PRDM15: variants seen among roughly 807,000 people sequenced by gnomAD.
PRDM15 encodes the protein PR/SET domain 15, also known as PR domain zinc finger protein 15.
In PRDM15, 64 loss-of-function variants were observed where a neutral mutation model predicts 128.6. The ratio of observed to expected loss-of-function variants is 0.50; its 90% CI spans 0.41 to 0.61. The LOEUF (loss-of-function observed/expected upper bound fraction) is 0.61, where lower values mean the gene tolerates loss of function less well. PRDM15 is among the 20% of genes least tolerant of loss of function. PRDM15 has a pLI of 0.00. For missense variants in PRDM15, 1,242 were observed against 1,569.1 expected (o/e 0.79, Z 3.52); for synonymous variants, 615 against 621.8 (o/e 0.99, Z 0.16).
chr21:41,801,681 C>T lies in PRDM15; in HGVS notation c.2985G>A (p.Ser995=), dbSNP rs750015279. The change falls in exon 24 of 24, where the codon TCG becomes TCA. Residue 995 remains serine (S), a synonymous_variant. Transcript: ENST00000398548. ...TLGDPNVTTP[S]SSVGLTNITV... ...TGATGTTGGTTAAGCCGACTGAGCT[C>T]GATGGTGTGGTCACATTTGGGTCAC... 2.6e-5 allele frequency: 42 copies of T among 1,613,982 alleles called. No individual in the cohort carries two copies. The highest frequency in any genetic ancestry group is 5.0e-5 in the Admixed American group (3 of 60,016).
At chr21:41,829,181 TACACACACC>T (rs2062591390) in intron 11 of PRDM15, among the ~76,000 whole-genome samples, 1 of 124,102 alleles carries the variant, frequency 8.1e-6, no homozygotes, top group Admixed American at 8.0e-5. Context: ...ACACACCACA[TACACACACC>T]ACACACACAT....
chr21:41,798,912 A>G lies in PRDM15; in HGVS notation c.*2328T>C, dbSNP rs2146098111. 1 of 152,348 alleles carries G rather than the reference A, an allele frequency of 6.6e-6. No homozygotes were observed. The highest frequency in any genetic ancestry group is 2.4e-5 in the African/African-American group (1 of 41,584). The allele number at this position is 152,348 out of a possible 1,614,324, so 9.4% of individuals were successfully genotyped here. ...GCTTTAAGACAACCCATTTTGCCTC[A>G]GACAGTGACCCTATTAAGACCACGT... On this transcript the variant is annotated 3_prime_UTR_variant, in exon 24 of 24. Transcript: ENST00000398548.
intron 14 of PRDM15, chr21:41,823,084 C>A: frequency 1.8e-6 from 1 of 543,386 alleles, no homozygotes. Flanking sequence ...GAGATCCCTA[C>A]CCTTCTACCA....
chr21:41,819,743 G>A lies in PRDM15; in HGVS notation c.2141-42C>T, dbSNP rs73375536. On this transcript the variant is annotated intron_variant, in intron 17 of 23. Transcript: ENST00000398548. Reference sequence around the variant, plus strand: ...CTGCCACTCAGAGCCGAGCAGCTCCGACCTGCAGTGGCTGCAAAGAGGATG... The same window carrying A: ...CTGCCACTCAGAGCCGAGCAGCTCCAACCTGCAGTGGCTGCAAAGAGGATG... 5.8e-3 allele frequency: 9,141 copies of A among 1,564,276 alleles called. 442 individuals are homozygous for A. In the African/African-American group the frequency reaches 0.1, roughly 18 times the overall value.
rs573723974 is a variant in PRDM15, at chr21:41,859,252, G to T, written c.131+340C>A. On this transcript the variant is annotated intron_variant, in intron 3 of 23. Transcript: ENST00000398548. This position sits in a 1 kb window ranked among gnomAD's most constrained non-coding sequence, Gnocchi z 5.3. ...ACCTGGAATGCAGAGAGAAGCCAACGAGCAGACCTCCAGCTTGGCTGCTGG... is the reference window on the plus strand; with the variant it reads ...ACCTGGAATGCAGAGAGAAGCCAACTAGCAGACCTCCAGCTTGGCTGCTGG... The T allele has an allele frequency of 6.2e-7, 1 of 1,607,954 alleles. No individual in the cohort carries two copies. Among genetic ancestry groups the T allele is most frequent in the Non-Finnish European group, 8.5e-7 (1 of 1,175,676 alleles).
intron 1 of PRDM15, chr21:41,861,918 AACAC>A (rs781176262): frequency 1.4e-5 from 22 of 1,612,928 alleles, no homozygotes; most frequent in Non-Finnish European, 1.4e-5. Flanking sequence ...TTTTCCTGGG[AACAC>A]ACATTCACGT....
intron 17 of PRDM15, 78 bp from the exon 18 acceptor site, chr21:41,819,779 A>G (rs2062185359): frequency 6.6e-7 from 1 of 1,520,788 alleles, no homozygotes; most frequent in Non-Finnish European, 8.8e-7. Context: ...CACCAAGGAG[A>G]GGGGCCCAGC....
At chr21:41,830,832 C>T (rs1204552321) in intron 11 of PRDM15, among the ~76,000 whole-genome samples, 11 of 152,212 alleles carry the variant, frequency 7.2e-5, no homozygotes, top group African/African-American at 2.4e-4. Flanking sequence ...GTTTCGGCTC[C>T]GCCCAGGACA....
At chr21:41,819,555 G>A in intron 18 of PRDM15, 27 bp downstream of exon 18, 1 of 1,606,458 alleles carries the variant, frequency 6.2e-7, no homozygotes, top group South Asian at 1.1e-5. Context: ...GCTGAGCCTG[G>A]CCCATGTCCC....
chr21:41,862,922 C>T lies in PRDM15; in HGVS notation c.-9-2550G>A, dbSNP rs1318315531. Among the ~76,000 whole-genome samples, 1 of 152,134 alleles carries T rather than the reference C, an allele frequency of 6.6e-6. No individual in the cohort carries two copies. Among genetic ancestry groups the T allele is most frequent in the Non-Finnish European group, 1.5e-5 (1 of 68,032 alleles). The stretch of plus-strand genomic sequence containing the variant: ...GTGTGGCTCACGTCTGTAATCCCAG[C>T]ACTTTCAGAGATGAGGACGGGCGAT... On this transcript the variant is annotated intron_variant, in intron 1 of 23. Transcript: ENST00000398548. The surrounding 1 kb of genome is among the most constrained non-coding windows in gnomAD (Gnocchi z 4.1).
At position 41,879,344 on chromosome 21, in the gene PRDM15, C is replaced by T. The variant is rs1456931565; in HGVS notation, c.-84G>A. 9.2e-7 allele frequency: 1 copy of T among 1,086,658 alleles called. No individual in the cohort carries two copies. The highest frequency in any genetic ancestry group is 6.0e-5 in the East Asian group (1 of 16,750). The allele number at this position is 1,086,658 out of a possible 1,614,324, so 67.3% of individuals were successfully genotyped here. ...ATCCGCTCCGGAAACTGCGCAGCAC[C>T]GGAAGCCGGGGGGCGGCGGCGGGGC... On this transcript the variant is annotated 5_prime_UTR_variant, in exon 1 of 24. Transcript: ENST00000398548. The surrounding 1 kb of genome is among the most constrained non-coding windows in gnomAD (Gnocchi z 5.1).
intron 1 of PRDM15, among the ~76,000 whole-genome samples, chr21:41,878,414 C>A (rs548752143): frequency 9.2e-5 from 14 of 152,350 alleles, no homozygotes; most frequent in African/African-American, 3.1e-4. Context: ...ATAACTCTAA[C>A]CACCAGATAG....
At position 41,812,270 on chromosome 21, in the gene PRDM15, A is replaced by G. The variant is rs535952524; in HGVS notation, c.2393-1434T>C. ...TTGACATCAAACTCATAGACAGAAA[A>G]ACACAAATTGTAAGTGAGTGCGGGC... On this transcript the variant is annotated intron_variant, in intron 19 of 23. Transcript: ENST00000398548. 4 of 152,318 alleles carry G rather than the reference A, an allele frequency of 2.6e-5. No homozygotes were observed. In the South Asian group the frequency reaches 8.3e-4, roughly 32 times the overall value. 9.4% of individuals were successfully genotyped at this position (152,318 alleles called of 1,614,324 possible).
intron 1 of PRDM15, among the ~76,000 whole-genome samples, chr21:41,867,590 T>C (rs1191378376): frequency 1.3e-5 from 2 of 152,230 alleles, no homozygotes; most frequent in African/African-American, 4.8e-5. Context: ...GTACAGCCGT[T>C]GTGCCCAGCT....
At chr21:41,835,111 C>T (rs570946033) in intron 11 of PRDM15, among the ~76,000 whole-genome samples, 5 of 152,304 alleles carry the variant, frequency 3.3e-5, no homozygotes, top group South Asian at 2.1e-4. Flanking sequence ...CTTCCTCAGA[C>T]GGCCCTAGAA....
rs1699532465 is a variant in PRDM15, at chr21:41,811,055, A to G, written c.2393-219T>C. ...CATAGTGACATTTCATATCAAAAAA[A>G]CATGAGATGTGGGAAAGGCTGTCTG... is the stretch of plus-strand genomic sequence containing the variant. On this transcript the variant is annotated intron_variant, in intron 19 of 23. Transcript: ENST00000398548. The surrounding 1 kb of genome is among the most constrained non-coding windows in gnomAD (Gnocchi z 4.1). The G allele has an allele frequency of 3.7e-6, 2 of 536,594 alleles. No homozygotes were observed. Among genetic ancestry groups the G allele is most frequent in the South Asian group, 4.8e-5 (2 of 41,498 alleles). 33.2% of individuals were successfully genotyped at this position (536,594 alleles called of 1,614,324 possible). A position where few individuals can be genotyped will look rare whatever the true frequency, so the allele number is the denominator to read the frequency against.
chr21:41,842,313 TGGA>T (rs985270942), intron 6 of PRDM15, among the ~76,000 whole-genome samples: 3 of 152,196 alleles, frequency 2.0e-5, no homozygotes, highest in African/African-American at 7.2e-5. Context: ...TTATTTAACA[TGGA>T]GGAGAAGGAT....
rs752403464 is a variant in PRDM15, at chr21:41,802,783, A to G, written c.2872T>C (p.Ser958Pro). The G allele has an allele frequency of 1.0e-4, 163 of 1,614,052 alleles. No individual in the cohort carries two copies. The highest frequency in any genetic ancestry group is 6.5e-4 in the Admixed American group (39 of 59,990). The change falls in exon 23 of 24, where the codon TCA becomes CCA. Residue 958 changes from serine to proline, a missense_variant. Physicochemically the swap from Ser to Pro is moderately conservative, Grantham distance 74. Around this residue, in one of 3 missense-constraint regions of PRDM15, gnomAD observed 602 missense variants for 788.3 expected, o/e 0.76. Coordinates refer to ENST00000398548, the MANE Select transcript of PRDM15 (RefSeq NM_001040424.3). The stretch of plus-strand genomic sequence containing the variant: ...CCTGTGAACTCCGTCTCTTTCTCTG[A>G]GTATTCGCTGAAGGTGGCGTCCTCG... Reference protein sequence around the residue: ...VPEDATFSEYSEKETEFTGSV... With the variant: ...VPEDATFSEYPEKETEFTGSV...
Position 41,854,955 on chromosome 21 carries a change from T to C in PRDM15, c.286-137A>G. On this transcript the variant is annotated intron_variant, in intron 4 of 23. Coordinates refer to ENST00000398548, the MANE Select transcript of PRDM15 (RefSeq NM_001040424.3). This position sits in a 1 kb window ranked among gnomAD's most constrained non-coding sequence, Gnocchi z 4.6. ...AGGCCATAAGGGCTCCTGTACGGGA[T>C]GTTGAGGTGTTTACAATAGTGAGGA... The C allele has an allele frequency of 5.1e-6, 5 of 975,652 alleles. No individual in the cohort carries two copies. The highest frequency in any genetic ancestry group is 7.4e-6 in the Non-Finnish European group (5 of 676,838). The allele number at this position is 975,652 out of a possible 1,614,324, so 60.4% of individuals were successfully genotyped here.
Sources: gnomAD v4.1 joint callset for allele counts (sites outside exome capture counted in the v4.1 genomes callset) on GRCh38, gnomAD v4.1.1 for gene constraint, gnomAD v4.1.1 regional missense constraint, Gnocchi (gnomAD v3.1) non-coding constraint, MANE v1.5 for transcripts, NCBI Gene and HGNC (gene_info 2026-07-23, HGNC 2026-07-21) for gene names.